The following MCTP1 variants were observed in gnomAD, a reference collection of about 807,000 sequenced individuals.
MCTP1 encodes multiple C2 and transmembrane domain containing 1, also known as multiple C2 and transmembrane domain-containing protein 1.
A neutral mutation model predicts 120.6 loss-of-function variants in MCTP1; 69 were observed. That is an observed-to-expected ratio of 0.57 (90% CI 0.47 to 0.70). MCTP1 has a LOEUF of 0.70. Ranked by LOEUF, MCTP1 falls within the 30% of genes least tolerant of loss-of-function variation. The probability of loss-of-function intolerance (pLI) is 0.00; values close to 1 mark genes in which losing one functional copy is unlikely to be tolerated. For missense variants in MCTP1, 1,203 were observed against 1,248.8 expected (o/e 0.96, Z 0.55); for synonymous variants, 529 against 493.1 (o/e 1.07, Z -0.96).
intron 1 of MCTP1, among the ~76,000 whole-genome samples, chr5:95,265,524 C>A (rs528992849): frequency 6.6e-6 from 1 of 152,326 alleles, no homozygotes; most frequent in South Asian, 2.1e-4. Flanking sequence ...CAGGCTTCTA[C>A]ATTTCCCAGC....
chr5:94,987,670 A>G (rs975906412), intron 2 of MCTP1, among the ~76,000 whole-genome samples: 1 of 152,216 alleles, frequency 6.6e-6, no homozygotes, highest in Non-Finnish European at 1.5e-5. Flanking sequence ...GGCTTCCTCA[A>G]GATAGTCACC....
At chr5:94,919,831 A>G (rs78799999) in intron 7 of MCTP1, among the ~76,000 whole-genome samples, 1 of 152,346 alleles carries the variant, frequency 6.6e-6, no homozygotes, top group African/African-American at 2.4e-5. Flanking sequence ...TTGTTCTGCC[A>G]TCCACCCATC....
At chr5:94,909,135 G>A (rs566709263) in intron 10 of MCTP1, 116 bp downstream of exon 10, 2 of 1,237,266 alleles carry the variant, frequency 1.6e-6, no homozygotes, top group Non-Finnish European at 2.2e-6. Context: ...GCCTTACCAT[G>A]GTAAAGTCCC....
chr5:95,199,264 C>A (rs976079242), intron 1 of MCTP1, among the ~76,000 whole-genome samples: 2 of 151,858 alleles, frequency 1.3e-5, no homozygotes, highest in African/African-American at 4.8e-5. Context: ...TAATGCAATC[C>A]AAAAACTCTA....
chr5:95,273,975 C>A (rs1220371702), intron 1 of MCTP1, among the ~76,000 whole-genome samples: 1 of 152,220 alleles, frequency 6.6e-6, no homozygotes, highest in African/African-American at 2.4e-5. Flanking sequence ...GCTGCAAGCT[C>A]TCACTGAGAC....
intron 1 of MCTP1, among the ~76,000 whole-genome samples, chr5:95,199,372 G>A (rs528590526): frequency 6.6e-6 from 1 of 152,094 alleles, no homozygotes; most frequent in African/African-American, 2.4e-5. Flanking sequence ...AATATATAAA[G>A]GAACTCAATA....
intron 1 of MCTP1, among the ~76,000 whole-genome samples, chr5:95,232,956 A>T (rs923586745): frequency 2.6e-5 from 4 of 152,210 alleles, no homozygotes; most frequent in Non-Finnish European, 5.9e-5. Context: ...GAGCTTCAAC[A>T]GACATGAAGC....
At chr5:95,054,278 C>A (rs1237175846) in intron 1 of MCTP1, among the ~76,000 whole-genome samples, 1 of 152,142 alleles carries the variant, frequency 6.6e-6, no homozygotes, top group Non-Finnish European at 1.5e-5. Context: ...AGGTCAAATG[C>A]AATACATCGT....
chr5:94,732,435 AC>A (rs111783022), intron 19 of MCTP1, among the ~76,000 whole-genome samples: 34,555 of 152,000 alleles, frequency 0.23, 4,032 homozygotes, highest in East Asian at 0.34. Context: ...AAGATTGGAA[AC>A]CCCTGATTCT....
At chr5:94,887,439 T>A (rs1394900337) in intron 12 of MCTP1, among the ~76,000 whole-genome samples, 1 of 152,188 alleles carries the variant, frequency 6.6e-6, no homozygotes, top group Non-Finnish European at 1.5e-5. Context: ...GACAAACTTA[T>A]ACAATTCTAT....
chr5:94,707,505 A>ATTGT lies in MCTP1; in HGVS notation c.2987_2990dup (p.Asn997LysfsTer11). The ATTGT allele has an allele frequency of 6.2e-7, 1 of 1,611,344 alleles. No individual in the cohort carries two copies. Among genetic ancestry groups the ATTGT allele is most frequent in the South Asian group, 1.1e-5 (1 of 90,986 alleles). The stretch of plus-strand genomic sequence containing the variant: ...CAGTGCTGGGAGCTGGCTAGCCAAG[A>ATTGT]TTGTTTTTCTTTCTTTTATATGGGC... On this transcript the variant is annotated frameshift_variant, in exon 23 of 23. Coordinates refer to ENST00000515393, the MANE Select transcript of MCTP1 (RefSeq NM_024717.7). LOFTEE classifies it high-confidence loss of function.
intron 1 of MCTP1, among the ~76,000 whole-genome samples, chr5:95,175,361 C>T (rs1010837743): frequency 8.5e-5 from 13 of 152,142 alleles, no homozygotes; most frequent in African/African-American, 2.9e-4. Flanking sequence ...GCACAAGAAG[C>T]TTGAAACCAA....
At chr5:94,848,247 A>T (rs1792922606) in intron 17 of MCTP1, among the ~76,000 whole-genome samples, 1 of 152,180 alleles carries the variant, frequency 6.6e-6, no homozygotes, top group South Asian at 2.1e-4. Context: ...ATCTAAAATC[A>T]AATGTGTAAC....
At chr5:95,010,301 C>T (rs1041139648) in intron 2 of MCTP1, among the ~76,000 whole-genome samples, 2 of 152,020 alleles carry the variant, frequency 1.3e-5, no homozygotes, top group South Asian at 2.1e-4. Context: ...CTATATATTA[C>T]TTTCCTTCTC....
chr5:95,266,588 T>G (rs776087291), intron 1 of MCTP1, among the ~76,000 whole-genome samples: 1 of 152,220 alleles, frequency 6.6e-6, no homozygotes, highest in Non-Finnish European at 1.5e-5. Flanking sequence ...TTTTCCATAA[T>G]AGCAGATAAA....
At position 94,847,136 on chromosome 5, in the gene MCTP1, A is replaced by T. The variant is rs116508264; in HGVS notation, c.2436+21197T>A. 2.3e-3 allele frequency among the ~76,000 whole-genome samples: 352 copies of T among 152,242 alleles called. 1 individual carries two copies. The highest frequency in any genetic ancestry group is 0.014 in the Middle Eastern group (4 of 294). The stretch of plus-strand genomic sequence containing the variant: ...AAAACAGCATCAGCATCACCTAGAA[A>T]CTTTACCCTTCTCCTACTGAATTAC... On this transcript the variant is annotated intron_variant, in intron 17 of 22. Coordinates refer to ENST00000515393, the MANE Select transcript of MCTP1 (RefSeq NM_024717.7).
intron 1 of MCTP1, among the ~76,000 whole-genome samples, chr5:95,137,665 A>G (rs2152433107): frequency 6.6e-6 from 1 of 151,348 alleles, no homozygotes; most frequent in South Asian, 2.1e-4. Context: ...GTAGATCTCT[A>G]GTCTAATATT....
At chr5:94,997,732 C>T (rs564778324) in intron 2 of MCTP1, among the ~76,000 whole-genome samples, 1 of 152,274 alleles carries the variant, frequency 6.6e-6, no homozygotes, top group African/African-American at 2.4e-5. Context: ...ACACAGTTCA[C>T]AGTAGAGGTA....
chr5:95,130,039 G>A (rs1304691029), intron 1 of MCTP1, among the ~76,000 whole-genome samples: 2 of 152,100 alleles, frequency 1.3e-5, no homozygotes, highest in Admixed American at 6.5e-5. Flanking sequence ...CAGTGCTTCT[G>A]CTTTTCAGAC....
Sources: allele counts gnomAD v4.1 joint callset (sites outside exome capture counted in the v4.1 genomes callset), GRCh38; gene constraint gnomAD v4.1.1; transcripts MANE v1.5; gene names NCBI Gene and HGNC (gene_info 2026-07-23, HGNC 2026-07-21).